The following SSUH2 variants were observed in gnomAD, a reference collection of about 807,000 sequenced individuals.
The protein encoded by SSUH2 is protein SSUH2 homolog.
Under a neutral mutation model 55.3 loss-of-function variants are expected in SSUH2, and 47 were observed. The ratio of observed to expected loss-of-function variants is 0.85; its 90% confidence interval spans 0.67 to 1.08. The LOEUF (loss-of-function observed/expected upper bound fraction) is 1.08, where lower values mean the gene tolerates loss of function less well. Ranked by LOEUF, SSUH2 falls within the 50% of genes least tolerant of loss-of-function variation. SSUH2 has a pLI of 0.00. For synonymous variants in SSUH2, 212 were observed against 191.5 expected (o/e 1.11, Z -0.89); for missense variants, 535 against 490.7 (o/e 1.09, Z -0.85).
At chr3:8,624,507 A>T (rs1697124642) in intron 10 of SSUH2, among the ~76,000 whole-genome samples, 1 of 152,192 alleles carries the variant, frequency 6.6e-6, no homozygotes, top group African/African-American at 2.4e-5. Flanking sequence ...TTACTGGAGC[A>T]AAGAAAGGAG....
intron 5 of SSUH2, among the ~76,000 whole-genome samples, chr3:8,631,429 T>C (rs1698749785): frequency 1.3e-5 from 2 of 152,164 alleles, no homozygotes; most frequent in Admixed American, 1.3e-4. Context: ...TATGATAGGA[T>C]ATGATACATG....
intron 1 of SSUH2, among the ~76,000 whole-genome samples, chr3:8,681,139 T>C (rs1705912464): frequency 2.1e-5 from 2 of 93,912 alleles, no homozygotes; most frequent in South Asian, 7.9e-4. Context: ...CTTCCCCCCC[T>C]GCCTCTTAGG....
chr3:8,629,037 T>C (rs1698209431), intron 7 of SSUH2, among the ~76,000 whole-genome samples: 2 of 152,142 alleles, frequency 1.3e-5, no homozygotes, highest in Non-Finnish European at 2.9e-5. Context: ...TTGTATTTTT[T>C]TTTAGTAGAG....
chr3:8,636,244 A>AG (rs760905642), intron 1 of SSUH2, among the ~76,000 whole-genome samples: 1 of 152,208 alleles, frequency 6.6e-6, no homozygotes, highest in African/African-American at 2.4e-5. Context: ...AAAAGACTGC[A>AG]GCTACTTCTG....
chr3:8,678,496 A>AT lies in SSUH2; in HGVS notation c.-900-1144_-900-1143insA, dbSNP rs1436129498. 6.9e-5 allele frequency among the ~76,000 whole-genome samples: 9 copies of AT among 130,388 alleles called. 1 individual carries two copies. Among genetic ancestry groups the AT allele is most frequent in the Non-Finnish European group, 1.5e-4 (9 of 58,738 alleles). 85.5% of individuals were successfully genotyped at this position (130,388 alleles called of 152,430 possible). On this transcript the variant is annotated intron_variant, in intron 2 of 18. Transcript: ENST00000317371. ...TTAGGACCCCCATTGCAAGGGGGTG[A>AT]GGCACCCCCCGCGAGGCGGGGACTG...
intron 1 of SSUH2, 79 bp from the exon 2 acceptor site, chr3:8,635,936 AG>A (rs766104058): frequency 1.4e-4 from 180 of 1,253,008 alleles, no homozygotes; most frequent in Non-Finnish European, 1.9e-4. Context: ...TTGAGAAATT[AG>A]GGCGGGTGCA....
In SSUH2 at chr3:8,640,014, A is replaced by G. The variant is rs77848416; in HGVS notation, c.29-4157T>C. ...TTGAATTATACTTGAGATGGTGCCAAAAAGATTCAGGTGGTCAAACTCACA... is the reference window on the plus strand; with the variant it reads ...TTGAATTATACTTGAGATGGTGCCAGAAAGATTCAGGTGGTCAAACTCACA... On this transcript the variant is annotated intron_variant, in intron 1 of 11. Transcript: ENST00000544814. The G allele has an allele frequency of 8.4e-4, 829 of 985,414 alleles. 8 individuals are homozygous for G. The African/African-American group carries it at 0.013, about 16-fold the overall frequency. The allele number at this position is 985,414 out of a possible 1,614,324, so 61.0% of individuals were successfully genotyped here.
intron 10 of SSUH2, among the ~76,000 whole-genome samples, chr3:8,624,241 G>A (rs922871846): frequency 6.6e-6 from 1 of 152,178 alleles, no homozygotes; most frequent in Non-Finnish European, 1.5e-5. Context: ...CCTCATTGTG[G>A]AACTGTGGCT....
Position 8,629,578 on chromosome 3 carries a change from T to G in SSUH2, c.588+86A>C, listed in dbSNP as rs557336824. On this transcript the variant is annotated intron_variant, in intron 7 of 11. Coordinates refer to ENST00000544814, the MANE Select transcript of SSUH2 (RefSeq NM_001256748.3). ...GATGACACAGTTACTGCAGGGAGCC[T>G]CAGGCCACCAGCCCAGCCCGCTGTC... 1.7e-5 allele frequency: 22 copies of G among 1,261,622 alleles called. No individual in the cohort carries two copies. The East Asian group carries it at 4.9e-4, about 28-fold the overall frequency. The allele number at this position is 1,261,622 out of a possible 1,614,324, so 78.2% of individuals were successfully genotyped here.
chr3:8,624,445 G>A (rs1553562746), intron 10 of SSUH2, among the ~76,000 whole-genome samples: 1 of 152,198 alleles, frequency 6.6e-6, no homozygotes, highest in Non-Finnish European at 1.5e-5. Flanking sequence ...GAAGAGTGGG[G>A]TGCAGGGCTT....
rs373070524 is a variant in SSUH2, at chr3:8,674,790, C to T, written c.-753+2416G>A. Among the ~76,000 whole-genome samples the T allele has an allele frequency of 2.6e-4, 39 of 152,122 alleles. No homozygotes were observed. In the East Asian group the frequency reaches 5.4e-3, roughly 21 times the overall value. On this transcript the variant is annotated intron_variant, in intron 3 of 18. Transcript: ENST00000317371. ...AGTCATTATGACCCTTACGGTCCCC[C>T]GAGAGGAGGAATGGAGACTTTTCTG...
At chr3:8,623,099 G>A (rs1696775479) in intron 11 of SSUH2, among the ~76,000 whole-genome samples, 1 of 152,208 alleles carries the variant, frequency 6.6e-6, no homozygotes, top group African/African-American at 2.4e-5. Flanking sequence ...GCCACCTTGT[G>A]GCCATCAGGA....
At chr3:8,664,146 G>C (rs73127061) in intron 5 of SSUH2, among the ~76,000 whole-genome samples, 5,271 of 152,290 alleles carry the variant, frequency 0.035, 304 homozygotes, top group African/African-American at 0.12. Flanking sequence ...TGTTTCTCTA[G>C]GGAGAGAGGA....
rs1464241949 is a variant in SSUH2 at position 8,623,625 on chromosome 3, T to A, written c.905A>T (p.Asp302Val). The A allele has an allele frequency of 5.2e-6, 8 of 1,542,056 alleles. No individual in the cohort carries two copies. The African/African-American group carries it at 1.1e-4, about 21-fold the overall frequency. The change falls in exon 11 of 12, where the codon GAC becomes GTC. Residue 302 changes from aspartate to valine, a missense_variant. Transcript: ENST00000544814. ...VYPIVDFPLR[D>V]ISLASQRGIA... ...GCCCCTCTGGGAGGCAAGAGAGATGTCTCGCAGAGGGAAGTCCACGATGGG... is the reference window on the plus strand; with the variant it reads ...GCCCCTCTGGGAGGCAAGAGAGATGACTCGCAGAGGGAAGTCCACGATGGG...
At position 8,637,893 on chromosome 3, in the gene SSUH2, G is replaced by A. The variant is rs952031338; in HGVS notation, c.29-2036C>T. Among the ~76,000 whole-genome samples the A allele has an allele frequency of 2.5e-4, 38 of 152,108 alleles. 1 individual carries two copies. The highest frequency in any genetic ancestry group is 6.5e-4 in the Admixed American group (10 of 15,274). ...GGTGGGAGGAACCTATTTAAAGCCC[G>A]TAGTAGCTCTCTCCCTTCACAAAAG... On this transcript the variant is annotated intron_variant, in intron 1 of 11. Transcript: ENST00000544814.
chr3:8,642,018 G>T (rs1467426758), intron 1 of SSUH2, among the ~76,000 whole-genome samples: 5 of 152,128 alleles, frequency 3.3e-5, no homozygotes, highest in Non-Finnish European at 5.9e-5. Flanking sequence ...GTGGACGGGG[G>T]TCCACAGGAA....
chr3:8,661,659 C>A (rs1703503263), intron 6 of SSUH2, among the ~76,000 whole-genome samples: 1 of 152,202 alleles, frequency 6.6e-6, no homozygotes. Context: ...TGCACCAGTG[C>A]CCTCAGCCTC....
At chr3:8,660,543 C>A (rs1703375497) in intron 6 of SSUH2, among the ~76,000 whole-genome samples, 1 of 152,156 alleles carries the variant, frequency 6.6e-6, no homozygotes, top group African/African-American at 2.4e-5. Context: ...CAGACAACCC[C>A]CTGCCAGAGC....
chr3:8,621,649 C>T (rs1391701253), intron 11 of SSUH2, among the ~76,000 whole-genome samples: 1 of 152,206 alleles, frequency 6.6e-6, no homozygotes, highest in African/African-American at 2.4e-5. Context: ...AATAAAAACT[C>T]TTATTTCACA....
Sources: allele counts gnomAD v4.1 joint callset (sites outside exome capture counted in the v4.1 genomes callset), GRCh38; gene constraint gnomAD v4.1.1; transcripts MANE v1.5; gene names NCBI Gene and HGNC (gene_info 2026-07-23, HGNC 2026-07-21).